CCDC192: variants seen among roughly 807,000 people sequenced by gnomAD.
The protein encoded by CCDC192 is coiled-coil domain-containing protein 192.
chr5:127,714,579 A>C (rs1468828424), intron 2 of CCDC192, among the ~76,000 whole-genome samples: 1 of 152,100 alleles, frequency 6.6e-6, no homozygotes. Flanking sequence ...TTTTAAGTAG[A>C]GATAGAGTTT....
At chr5:127,735,052 T>C (rs1280229491) in intron 2 of CCDC192, among the ~76,000 whole-genome samples, 16 of 134,966 alleles carry the variant, frequency 1.2e-4, no homozygotes, top group African/African-American at 4.5e-4. Flanking sequence ...AGGGTTTTTA[T>C]GGTTTTAGGT....
intron 2 of CCDC192, among the ~76,000 whole-genome samples, chr5:127,724,593 G>A (rs1272012515): frequency 6.6e-6 from 1 of 152,186 alleles, no homozygotes; most frequent in African/African-American, 2.4e-5. Context: ...GCTCATGCCT[G>A]TAATCCCAGC....
chr5:127,918,486 G>A (rs1231650140), intron 6 of CCDC192, among the ~76,000 whole-genome samples: 1 of 152,022 alleles, frequency 6.6e-6, no homozygotes, highest in South Asian at 2.1e-4. Flanking sequence ...TTATCCCCAA[G>A]GCCTAACTTA....
At chr5:127,764,975 A>G (rs912778965) in intron 3 of CCDC192, among the ~76,000 whole-genome samples, 5 of 152,172 alleles carry the variant, frequency 3.3e-5, no homozygotes, top group African/African-American at 1.2e-4. Context: ...TATTAGCCTC[A>G]GAAAGTGTTT....
intron 5 of CCDC192, among the ~76,000 whole-genome samples, chr5:127,842,754 C>G (rs539766424): frequency 8.3e-4 from 126 of 152,278 alleles, no homozygotes; most frequent in African/African-American, 3.0e-3. Context: ...TCTAGATTGC[C>G]TCAATGATTA....
At chr5:127,934,961 A>C (rs1325992194) in intron 6 of CCDC192, among the ~76,000 whole-genome samples, 1 of 152,186 alleles carries the variant, frequency 6.6e-6, no homozygotes, top group Non-Finnish European at 1.5e-5. Flanking sequence ...CTTTTAATCC[A>C]AACAGCAATC....
At chr5:127,786,802 A>G in intron 3 of CCDC192, 2 of 575,040 alleles carry the variant, frequency 3.5e-6, no homozygotes, top group Non-Finnish European at 6.5e-6. Context: ...AGGCCAATGT[A>G]CTGAGCTCCT....
chr5:127,726,150 A>G (rs917883276), intron 2 of CCDC192, among the ~76,000 whole-genome samples: 1 of 152,124 alleles, frequency 6.6e-6, no homozygotes, highest in African/African-American at 2.4e-5. Context: ...ATTGCAAGAT[A>G]GAATAAATTT....
intron 6 of CCDC192, among the ~76,000 whole-genome samples, chr5:127,885,710 G>C (rs1026580850): frequency 2.6e-5 from 4 of 152,142 alleles, no homozygotes; most frequent in African/African-American, 9.7e-5. Context: ...ACCAAATCCT[G>C]CTGGACAAGC....
intron 2 of CCDC192, among the ~76,000 whole-genome samples, chr5:127,722,605 G>A (rs1752088140): frequency 6.6e-6 from 1 of 152,092 alleles, no homozygotes; most frequent in African/African-American, 2.4e-5. Flanking sequence ...TTAGATTTAA[G>A]TCTTTCATCC....
intron 2 of CCDC192, among the ~76,000 whole-genome samples, chr5:127,745,248 T>G (rs1288564123): frequency 6.6e-6 from 1 of 152,236 alleles, no homozygotes; most frequent in Non-Finnish European, 1.5e-5. Flanking sequence ...GCTGTCATTT[T>G]AGGACAGAGA....
intron 6 of CCDC192, among the ~76,000 whole-genome samples, chr5:127,923,804 T>C (rs886064405): frequency 1.3e-5 from 2 of 152,324 alleles, no homozygotes; most frequent in East Asian, 3.9e-4. Flanking sequence ...TCACGGAAGC[T>C]TTCCTAACTT....
At chr5:127,807,236 A>G (rs1039819846) in intron 5 of CCDC192, among the ~76,000 whole-genome samples, 1 of 152,186 alleles carries the variant, frequency 6.6e-6, no homozygotes, top group Non-Finnish European at 1.5e-5. Context: ...AGTTTATGAG[A>G]TTATAGTTTA....
At chr5:127,826,449 G>A (rs1246099029) in intron 5 of CCDC192, among the ~76,000 whole-genome samples, 1 of 151,792 alleles carries the variant, frequency 6.6e-6, no homozygotes, top group Non-Finnish European at 1.5e-5. Flanking sequence ...ACATCCAAAA[G>A]AAAACCAATC....
At chr5:127,750,902 T>A (rs1754116878) in intron 2 of CCDC192, among the ~76,000 whole-genome samples, 2 of 150,648 alleles carry the variant, frequency 1.3e-5, no homozygotes, top group Non-Finnish European at 3.0e-5. Context: ...CTTTGTTGGT[T>A]TAAAGTCTGT....
chr5:127,880,595 AG>A (rs1368198537), intron 6 of CCDC192, among the ~76,000 whole-genome samples: 8 of 151,854 alleles, frequency 5.3e-5, no homozygotes, highest in Non-Finnish European at 1.2e-4. Context: ...TAAAACTTAA[AG>A]TATAATAAAA....
intron 5 of CCDC192, among the ~76,000 whole-genome samples, chr5:127,820,088 A>G (rs1477172054): frequency 6.6e-6 from 1 of 152,244 alleles, no homozygotes; most frequent in Non-Finnish European, 1.5e-5. Flanking sequence ...TTGAGCAGAT[A>G]ATGCTGTGAA....
At chr5:127,795,306 A>G (rs965519950) in intron 3 of CCDC192, among the ~76,000 whole-genome samples, 1 of 152,060 alleles carries the variant, frequency 6.6e-6, no homozygotes, top group East Asian at 1.9e-4. Context: ...AAAAAAAAAA[A>G]AAAACAATTT....
rs778237645 is a variant in CCDC192 at position 127,757,796 on chromosome 5, ACACTCT to A, written c.222+3423_222+3428del. On this transcript the variant is annotated intron_variant, in intron 3 of 6. Transcript: ENST00000514853. ...CACACACACACACACACACACACAC[ACACTCT>A]CTCTCTCTCTCTCTCTCAATCTGTG... Among the ~76,000 whole-genome samples, 908 of 106,600 alleles carry A rather than the reference ACACTCT, an allele frequency of 8.5e-3. 10 individuals are homozygous for A. The highest frequency in any genetic ancestry group is 0.024 in the African/African-American group (724 of 30,722). The allele number at this position is 106,600 out of a possible 152,430, so 69.9% of individuals were successfully genotyped here.
Sources: gnomAD v4.1 joint callset for allele counts (sites outside exome capture counted in the v4.1 genomes callset) on GRCh38, gnomAD v4.1.1 for gene constraint, MANE v1.5 for transcripts, NCBI Gene and HGNC (gene_info 2026-07-23, HGNC 2026-07-21) for gene names.